Variants in MTMR9 observed in about 807,000 individuals in gnomAD.
MTMR9 encodes myotubularin related protein 9.
In MTMR9, 39 loss-of-function variants were observed where a neutral mutation model predicts 69.5. The ratio of observed to expected loss-of-function variants is 0.56; its 90% CI spans 0.43 to 0.73. The LOEUF is 0.73. MTMR9 is among the 30% of genes least tolerant of loss of function. The pLI is 0.00. For missense variants in MTMR9, 900 were observed against 671.2 expected (o/e 1.34, Z -3.77); for synonymous variants, 354 against 240.8 (o/e 1.47, Z -4.35).
downstream of MTMR9, chr8:11,331,563 G>A (rs763565544): frequency 1.2e-6 from 2 of 1,613,832 alleles, no homozygotes; most frequent in Non-Finnish European, 1.7e-6. Flanking sequence ...TGAGAGCCAG[G>A]GTCTCGGTGG....
downstream of MTMR9, among the ~76,000 whole-genome samples, chr8:11,332,832 C>T (rs911256454): frequency 1.3e-5 from 2 of 152,122 alleles, no homozygotes; most frequent in African/African-American, 2.4e-5. Context: ...AAACTCCTGA[C>T]CTTGTGATCC....
intron 5 of MTMR9, among the ~76,000 whole-genome samples, chr8:11,308,671 T>C (rs571489156): frequency 4.1e-4 from 62 of 152,388 alleles, no homozygotes; most frequent in African/African-American, 1.5e-3. Flanking sequence ...ATCCCTTGTA[T>C]TTCTGTGATA....
intron 7 of MTMR9, 57 bp downstream of exon 7, chr8:11,315,121 T>C: frequency 6.3e-7 from 1 of 1,579,416 alleles, no homozygotes. Flanking sequence ...TGATCCTGCT[T>C]TGTGTGGTAG....
chr8:11,301,717 T>G (rs118074109), intron 3 of MTMR9, among the ~76,000 whole-genome samples: 1,596 of 147,360 alleles, frequency 0.011, 16 homozygotes, highest in Non-Finnish European at 0.016. Context: ...CAAAATGGAT[T>G]CAGTTTATTT....
intron 1 of MTMR9, among the ~76,000 whole-genome samples, chr8:11,287,093 A>G (rs965125561): frequency 1.3e-5 from 2 of 152,154 alleles, no homozygotes; most frequent in African/African-American, 2.4e-5. Context: ...CAGTTTAACC[A>G]TTTCGACCGC....
chr8:11,298,728 C>T (rs573707019), intron 2 of MTMR9: 59 of 924,652 alleles, frequency 6.4e-5, no homozygotes, highest in Non-Finnish European at 7.3e-5. Context: ...GCACCCCCCC[C>T]CCGCCATCCA....
chr8:11,296,841 A>C (rs1013214602), intron 2 of MTMR9, among the ~76,000 whole-genome samples: 8 of 152,028 alleles, frequency 5.3e-5, no homozygotes, highest in East Asian at 1.9e-4. Flanking sequence ...AGTAATCTGA[A>C]TTTTCACGTA....
At chr8:11,305,036 T>G (rs1210435096) in intron 4 of MTMR9, 22 bp downstream of exon 4, 4 of 1,608,174 alleles carry the variant, frequency 2.5e-6, no homozygotes, top group African/African-American at 2.7e-5. Context: ...GCACTACTGC[T>G]TGATGTACTG....
At chr8:11,321,460 G>T in intron 9 of MTMR9, 1 of 456,580 alleles carries the variant, frequency 2.2e-6, no homozygotes, top group Non-Finnish European at 4.4e-6. Flanking sequence ...GAGCTGGGTG[G>T]CCTGAAGGAT....
intron 3 of MTMR9, among the ~76,000 whole-genome samples, chr8:11,304,511 G>C (rs1358102492): frequency 6.6e-6 from 1 of 152,180 alleles, no homozygotes; most frequent in African/African-American, 2.4e-5. Context: ...CATTTGATGG[G>C]ATACCGTGTA....
downstream of MTMR9, among the ~76,000 whole-genome samples, chr8:11,332,895 C>T (rs1045185618): frequency 5.9e-5 from 9 of 152,202 alleles, no homozygotes; most frequent in South Asian, 2.1e-4. Flanking sequence ...CCACCACGCC[C>T]AGCCTTCCGT....
In MTMR9 at chr8:11,295,317, A is replaced by C; in HGVS notation, c.291+15A>C. 2 of 1,354,574 alleles carry C rather than the reference A, an allele frequency of 1.5e-6. No homozygotes were observed. The highest frequency in any genetic ancestry group is 2.1e-6 in the Non-Finnish European group (2 of 949,166). The allele number at this position is 1,354,574 out of a possible 1,614,324, so 83.9% of individuals were successfully genotyped here. On this transcript the variant is annotated intron_variant, in intron 2 of 9. Coordinates refer to ENST00000221086, the MANE Select transcript of MTMR9 (RefSeq NM_015458.4). ...GTTCCATTGAGGTAAGTATTTTGGA[A>C]GCAAAATCTAATGAAACATAATTTT...
At chr8:11,337,755 A>G in the MTMR9 span, among the ~76,000 whole-genome samples, 2 of 152,218 alleles carry the variant, frequency 1.3e-5, no homozygotes, top group Non-Finnish European at 2.9e-5. Context: ...CTCTCATTGC[A>G]TTCTAGGTAC....
chr8:11,311,926 A>G (rs1800216460), intron 6 of MTMR9, among the ~76,000 whole-genome samples: 1 of 149,786 alleles, frequency 6.7e-6, no homozygotes, highest in Non-Finnish European at 1.5e-5. Context: ...CAGCATCTTC[A>G]CCAGGAGTAG....
At chr8:11,290,444 A>G (rs970379443) in intron 1 of MTMR9, among the ~76,000 whole-genome samples, 4 of 151,858 alleles carry the variant, frequency 2.6e-5, no homozygotes, top group Non-Finnish European at 4.4e-5. Context: ...TTTGTTGAAC[A>G]GAAATCTTTA....
the MTMR9 span, among the ~76,000 whole-genome samples, chr8:11,336,447 C>T: frequency 3.3e-5 from 5 of 152,228 alleles, no homozygotes; most frequent in Admixed American, 2.6e-4. Flanking sequence ...ACATTCACAC[C>T]GAAATATAAA....
intron 4 of MTMR9, among the ~76,000 whole-genome samples, chr8:11,305,592 C>G (rs775858721): frequency 6.6e-6 from 1 of 152,130 alleles, no homozygotes; most frequent in African/African-American, 2.4e-5. Context: ...AGAAAAGTTT[C>G]AAAAGCAAAC....
chr8:11,286,008 C>T (rs1463392176), intron 1 of MTMR9, among the ~76,000 whole-genome samples: 1 of 132,774 alleles, frequency 7.5e-6, no homozygotes, highest in Non-Finnish European at 1.5e-5. Flanking sequence ...GGCTGGAGTG[C>T]GGTGGCCAAT....
rs1482805431 is a variant in MTMR9 at position 11,300,074 on chromosome 8, C to T, written c.343C>T (p.Pro115Ser). ...ITLMYPFFYR[P>S]MFEVIEDGWH... ...TCTGATGTACCCTTTCTTTTACCGT[C>T]CTATGTTTGAAGTGATAGAAGATGG... Residue 115 changes from proline to serine, a missense_variant, in exon 3 of 10, where the codon CCT (proline) becomes TCT (serine). Physicochemically the swap from Pro to Ser is moderately conservative, Grantham distance 74 (BLOSUM62 -1). Coordinates refer to ENST00000221086, the MANE Select transcript of MTMR9 (RefSeq NM_015458.4). 6.2e-7 allele frequency: 1 copy of T among 1,613,668 alleles called. No homozygotes were observed. Among genetic ancestry groups the T allele is most frequent in the South Asian group, 1.1e-5 (1 of 91,078 alleles).
Sources: gnomAD v4.1 joint callset for allele counts (sites outside exome capture counted in the v4.1 genomes callset) on GRCh38, gnomAD v4.1.1 for gene constraint, MANE v1.5 for transcripts, NCBI Gene and HGNC (gene_info 2026-07-23, HGNC 2026-07-21) for gene names.